The following DGKZ variants were observed in gnomAD, a reference collection of about 807,000 sequenced individuals.
DGKZ encodes the protein DAG kinase zeta.
A neutral mutation model predicts 142.5 loss-of-function variants in DGKZ; 45 were observed. The observed-to-expected ratio is 0.32, with a 90% CI of 0.25 to 0.40. The LOEUF is 0.40. Ranked by LOEUF, DGKZ falls within the 10% of genes least tolerant of loss-of-function variation. DGKZ has a pLI of 1.00. For synonymous variants in DGKZ, 442 were observed against 527.0 expected (o/e 0.84, Z 2.21); for missense variants, 755 against 1,306.5 (o/e 0.58, Z 6.51).
intron 1 of DGKZ, among the ~76,000 whole-genome samples, chr11:46,359,770 ATTT>A (rs779825781): frequency 3.9e-5 from 5 of 129,012 alleles, no homozygotes; most frequent in African/African-American, 6.0e-5. Flanking sequence ...TGCCCGGCTA[ATTT>A]TTTTTTTTTT....
At chr11:46,351,337 C>G (rs1173225516) in intron 1 of DGKZ, among the ~76,000 whole-genome samples, 1 of 152,160 alleles carries the variant, frequency 6.6e-6, no homozygotes, top group African/African-American at 2.4e-5. Context: ...ATCCCCTGCC[C>G]TTCACGGTGC....
chr11:46,355,098 T>C (rs1248363039), intron 1 of DGKZ, among the ~76,000 whole-genome samples: 2 of 152,096 alleles, frequency 1.3e-5, no homozygotes, highest in East Asian at 3.9e-4. Context: ...TAGGCCTCTG[T>C]GTTTATTTTT....
At chr11:46,369,714 C>CTA in intron 5 of DGKZ, 164 bp downstream of exon 5, 1 of 1,005,582 alleles carries the variant, frequency 9.9e-7, no homozygotes, top group Non-Finnish European at 1.5e-6. Flanking sequence ...GCGCTGCCTG[C>CTA]GGAGTGGGTG....
At position 46,375,330 on chromosome 11, in the gene DGKZ, CT is replaced by C. The variant is rs977433447; in HGVS notation, c.1711-99del. On this transcript the variant is annotated intron_variant, in intron 19 of 30. Transcript: ENST00000527911. ...CCCTCTGGCCAGGGGTCACTCTCAC[CT>C]TTGTTCTCTGGCTAGAGTTTCTGCT... 11 of 1,364,350 alleles carry C rather than the reference CT, an allele frequency of 8.1e-6. No homozygotes were observed. The African/African-American group carries it at 1.6e-4, about 20-fold the overall frequency. The allele number at this position is 1,364,350 out of a possible 1,614,324, so 84.5% of individuals were successfully genotyped here. A position where few individuals can be genotyped will look rare whatever the true frequency, so the allele number is the denominator to read the frequency against.
In DGKZ at chr11:46,347,485, G is replaced by A; in HGVS notation, c.-175G>A. On this transcript the variant is annotated 5_prime_UTR_variant, in exon 1 of 31. Transcript: ENST00000527911. This position sits in a 1 kb window ranked among gnomAD's most constrained non-coding sequence, Gnocchi z 6.4. ...GGCGGCACTTCCTGGAGCGGCGGCG[G>A]CAGCGGCTTCCCGGGCACCTGGGCG... 1.0e-6 allele frequency: 1 copy of A among 982,446 alleles called. No homozygotes were observed. The highest frequency in any genetic ancestry group is 1.2e-6 in the Non-Finnish European group (1 of 828,852). The allele number at this position is 982,446 out of a possible 1,614,324, so 60.9% of individuals were successfully genotyped here.
At chr11:46,333,641 G>A (rs986375677) in intron 1 of DGKZ, among the ~76,000 whole-genome samples, 1 of 152,210 alleles carries the variant, frequency 6.6e-6, no homozygotes, top group East Asian at 1.9e-4. Flanking sequence ...GTGTACAGCG[G>A]GAAGGAGGCA....
upstream of DGKZ, chr11:46,347,384 G>T (rs1486533336): frequency 3.0e-6 from 3 of 983,932 alleles, no homozygotes; most frequent in African/African-American, 1.8e-5. The surrounding 1 kb of genome is among the most constrained non-coding windows in gnomAD (Gnocchi z 6.4). Context: ...CGGTGCCACC[G>T]TGCGGCCGAG....
Position 46,372,498 on chromosome 11 carries a change from G to A in DGKZ, c.998G>A (p.Gly333Glu), listed in dbSNP as rs1464954537. 6.2e-7 allele frequency: 1 copy of A among 1,613,888 alleles called. No homozygotes were observed. Among genetic ancestry groups the A allele is most frequent in the East Asian group, 2.2e-5 (1 of 44,890 alleles). The stretch of plus-strand genomic sequence containing the variant: ...CAAGTCTTCGACCTGAGCCAGGGAG[G>A]GCCCAAGGAGGCGTAAGTACTTGCC... The change falls in exon 11 of 31, where the codon GGG becomes GAG. Residue 333 changes from glycine to glutamate, a missense_variant. Coordinates refer to ENST00000527911, the Ensembl canonical transcript of DGKZ. The surrounding 1 kb of genome is among the most constrained non-coding windows in gnomAD (Gnocchi z 5.9).
At chr11:46,357,143 A>C (rs533024638) in intron 1 of DGKZ, among the ~76,000 whole-genome samples, 3 of 152,152 alleles carry the variant, frequency 2.0e-5, no homozygotes, top group Non-Finnish European at 4.4e-5. Context: ...GAGGCCTAGC[A>C]GGGGCTGAGT....
chr11:46,359,093 T>TTG, intron 1 of DGKZ, among the ~76,000 whole-genome samples: 1 of 150,004 alleles, frequency 6.7e-6, no homozygotes, highest in East Asian at 2.0e-4. Flanking sequence ...TGAACTGAGA[T>TTG]CGCAACACTG....
At chr11:46,379,810 C>A (rs754621866) in intron 30 of DGKZ, 21 bp from the exon 31 acceptor site, 5 of 1,594,964 alleles carry the variant, frequency 3.1e-6, no homozygotes, top group Admixed American at 1.7e-5. Flanking sequence ...CCCTGCTGAT[C>A]GCAGCTCCGC....
exon 31 of DGKZ, chr11:46,380,061 G>A: frequency 2.7e-6 from 3 of 1,100,574 alleles, no homozygotes; most frequent in African/African-American, 1.6e-5. Context: ...AGGCCCCAGG[G>A]AAAGAGCCCC....
chr11:46,339,944 C>T (rs566438121), intron 1 of DGKZ, among the ~76,000 whole-genome samples: 1 of 152,314 alleles, frequency 6.6e-6, no homozygotes, highest in African/African-American at 2.4e-5. Flanking sequence ...TAGGCTTCTG[C>T]AGGGCTCCAG....
chr11:46,371,593 G>A (rs747941646), exon 8 of DGKZ: 7 of 1,610,336 alleles, frequency 4.3e-6, no homozygotes, highest in East Asian at 4.5e-5. Flanking sequence ...CTCCGCGCCC[G>A]GAGGCCCCAG....
chr11:46,347,373 C>G, upstream of DGKZ: 1 of 984,236 alleles, frequency 1.0e-6, no homozygotes, highest in Non-Finnish European at 1.2e-6. This position sits in a 1 kb window ranked among gnomAD's most constrained non-coding sequence, Gnocchi z 6.4. Context: ...CGCTGCGGGC[C>G]CGGTGCCACC....
intron 1 of DGKZ, among the ~76,000 whole-genome samples, chr11:46,360,754 C>G (rs1167851097): frequency 1.3e-5 from 2 of 152,010 alleles, no homozygotes; most frequent in Non-Finnish European, 2.9e-5. Context: ...CCATTGCACT[C>G]CAGCCTGGGT....
At chr11:46,366,015 G>A (rs1486569795) in intron 1 of DGKZ, 19 of 985,112 alleles carry the variant, frequency 1.9e-5, no homozygotes, top group Non-Finnish European at 2.2e-5. Context: ...CCCAACAGCT[G>A]TAAACGTGGG....
Position 46,372,317 on chromosome 11 carries a change from AC to A in DGKZ, c.928-107del. On this transcript the variant is annotated intron_variant, in intron 10 of 30. Coordinates refer to ENST00000527911, the Ensembl canonical transcript of DGKZ. This position sits in a 1 kb window ranked among gnomAD's most constrained non-coding sequence, Gnocchi z 5.9. ...CCTGAGAAAATCCTGTCCTTTCTCC[AC>A]CCCTCACCCCTTATTGGCCCTGGTT... The A allele has an allele frequency of 7.4e-7, 1 of 1,354,206 alleles. No homozygotes were observed. 83.9% of individuals were successfully genotyped at this position (1,354,206 alleles called of 1,614,324 possible).
chr11:46,345,499 AGG>A, upstream of DGKZ: 1 of 1,517,014 alleles, frequency 6.6e-7, no homozygotes, highest in Non-Finnish European at 8.8e-7. This position sits in a 1 kb window ranked among gnomAD's most constrained non-coding sequence, Gnocchi z 4.1. Context: ...GGACGGAAGA[AGG>A]GGAGCGGCCG....
Sources: allele counts gnomAD v4.1 joint callset (sites outside exome capture counted in the v4.1 genomes callset), GRCh38; gene constraint gnomAD v4.1.1; non-coding constraint Gnocchi (gnomAD v3.1); transcripts MANE v1.5; gene names NCBI Gene and HGNC (gene_info 2026-07-23, HGNC 2026-07-21).